THSD7A: variants seen among roughly 807,000 people sequenced by gnomAD.
THSD7A encodes the protein thrombospondin type 1 domain containing 7A.
A neutral mutation model predicts 231.3 loss-of-function variants in THSD7A; 96 were observed. That is an observed-to-expected ratio of 0.41 (90% CI 0.35 to 0.49). The LOEUF (loss-of-function observed/expected upper bound fraction) is 0.49, where lower values mean the gene tolerates loss of function less well. Among genes scored for constraint, THSD7A ranks in the 20% least tolerant of loss-of-function variants. The probability of loss-of-function intolerance (pLI) is 0.05; values close to 1 mark genes in which losing one functional copy is unlikely to be tolerated. For synonymous variants in THSD7A, 940 were observed against 743.3 expected (o/e 1.26, Z -4.30); for missense variants, 2,290 against 2,070.2 (o/e 1.11, Z -2.06).
At chr7:11,450,347 C>T (rs1002442048) in intron 11 of THSD7A, among the ~76,000 whole-genome samples, 1 of 151,898 alleles carries the variant, frequency 6.6e-6, no homozygotes, top group Admixed American at 6.6e-5. Flanking sequence ...TGTAAAATTC[C>T]CATAGCTATT....
At chr7:11,593,854 T>G (rs1211921844) in intron 2 of THSD7A, among the ~76,000 whole-genome samples, 1 of 152,234 alleles carries the variant, frequency 6.6e-6, no homozygotes, top group African/African-American at 2.4e-5. Context: ...CATATGCTAA[T>G]TTCCATTCTG....
chr7:11,593,375 C>A lies in THSD7A; in HGVS notation c.1150G>T (p.Gly384Cys). The A allele has an allele frequency of 6.2e-7, 1 of 1,614,008 alleles. No homozygotes were observed. Among genetic ancestry groups the A allele is most frequent in the Non-Finnish European group, 8.5e-7 (1 of 1,179,892 alleles). Residue 384 changes from glycine (G) to cysteine (C), a missense_variant, in exon 3 of 28, where the codon GGC becomes TGC. Physicochemically the swap from Gly to Cys is radical, Grantham distance 159 (BLOSUM62 -3). Transcript: ENST00000423059. ...KTCHDMVSPA[G>C]TRVRTRTIRQ... ...ATGGTTCGTGTCCTTACACGAGTGC[C>A]TGCAGGGGACACCATGTCATGGCAT...
intron 4 of THSD7A, among the ~76,000 whole-genome samples, chr7:11,570,152 C>A (rs904916663): frequency 2.7e-5 from 4 of 150,802 alleles, no homozygotes; most frequent in Non-Finnish European, 4.4e-5. Flanking sequence ...GCCTAGGTGG[C>A]AGAGCAAGAT....
chr7:11,587,421 A>T (rs1368720032), intron 4 of THSD7A, among the ~76,000 whole-genome samples: 1 of 152,194 alleles, frequency 6.6e-6, no homozygotes, highest in African/African-American at 2.4e-5. Context: ...GTGGGGGAAT[A>T]GTTGTCAGGA....
intron 8 of THSD7A, among the ~76,000 whole-genome samples, chr7:11,470,821 AT>A (rs1785908842): frequency 6.6e-6 from 1 of 151,908 alleles, no homozygotes; most frequent in Admixed American, 6.6e-5. Flanking sequence ...GCAAAAATAT[AT>A]TATTTATTGG....
chr7:11,494,346 C>T (rs1332287380), intron 6 of THSD7A, among the ~76,000 whole-genome samples: 2 of 151,884 alleles, frequency 1.3e-5, no homozygotes, highest in East Asian at 3.9e-4. Context: ...TCTTAATTCC[C>T]ACTGTTTTTA....
At chr7:11,437,667 C>A (rs1158026728) in intron 13 of THSD7A, among the ~76,000 whole-genome samples, 1 of 152,000 alleles carries the variant, frequency 6.6e-6, no homozygotes, top group African/African-American at 2.4e-5. Context: ...AGCTTGTTTA[C>A]AAGACTCTAT....
At chr7:11,667,443 T>C (rs1416756813) in intron 1 of THSD7A, among the ~76,000 whole-genome samples, 1 of 152,198 alleles carries the variant, frequency 6.6e-6, no homozygotes, top group Non-Finnish European at 1.5e-5. Flanking sequence ...ACTCCCCATT[T>C]ATTTCATAGT....
intron 23 of THSD7A, 59 bp from the exon 24 acceptor site, chr7:11,382,675 G>T: frequency 8.1e-7 from 1 of 1,238,246 alleles, no homozygotes; most frequent in Non-Finnish European, 1.2e-6. Flanking sequence ...GACAATCATG[G>T]GGATAGAGTA....
Position 11,474,392 on chromosome 7 carries a change from T to G in THSD7A, c.2194A>C (p.Met732Leu). ...ACACAGATGACTTTTCTTGTCTGCA[T>G]GCCGACAGAGCAGGAGGCCTCCCCA... ...WNGEASCSVG[M>L]QTRKVICVRV... Residue 732 changes from methionine to leucine, a missense_variant, in exon 8 of 28, where the codon ATG (methionine) becomes CTG (leucine). Physicochemically the swap from Met to Leu is conservative, Grantham distance 15. Transcript: ENST00000423059. This position sits in a 1 kb window ranked among gnomAD's most constrained non-coding sequence, Gnocchi z 4.1. 6.2e-7 allele frequency: 1 copy of G among 1,613,580 alleles called. No individual in the cohort carries two copies. The highest frequency in any genetic ancestry group is 8.5e-7 in the Non-Finnish European group (1 of 1,179,580).
chr7:11,456,380 C>T (rs1785309702), intron 11 of THSD7A, among the ~76,000 whole-genome samples: 1 of 151,936 alleles, frequency 6.6e-6, no homozygotes, highest in African/African-American at 2.4e-5. Flanking sequence ...TAACCTCCCC[C>T]AAAAAGAATG....
chr7:11,778,180 A>G (rs1158708435), intron 1 of THSD7A, among the ~76,000 whole-genome samples: 1 of 145,684 alleles, frequency 6.9e-6, no homozygotes, highest in African/African-American at 2.6e-5. Flanking sequence ...AAAAAAAAAG[A>G]AAGCCCTTTC....
At chr7:11,477,676 T>C (rs1786249592) in intron 7 of THSD7A, among the ~76,000 whole-genome samples, 1 of 152,180 alleles carries the variant, frequency 6.6e-6, no homozygotes, top group Non-Finnish European at 1.5e-5. Context: ...TTGACAATTC[T>C]CTTTACTTTC....
chr7:11,610,345 G>C (rs1780880855), intron 2 of THSD7A, among the ~76,000 whole-genome samples: 1 of 151,982 alleles, frequency 6.6e-6, no homozygotes, highest in Admixed American at 6.6e-5. Context: ...TCAATACTGG[G>C]CAAGAAAGAT....
intron 2 of THSD7A, among the ~76,000 whole-genome samples, chr7:11,629,165 T>C (rs1014547282): frequency 1.3e-5 from 2 of 152,064 alleles, no homozygotes; most frequent in Non-Finnish European, 2.9e-5. Context: ...TAGAATCCAA[T>C]GAGAAAGAAG....
At chr7:11,717,375 T>C (rs753959223) in intron 1 of THSD7A, among the ~76,000 whole-genome samples, 2 of 151,630 alleles carry the variant, frequency 1.3e-5, no homozygotes, top group Admixed American at 1.3e-4. Context: ...ATTTTGTTTC[T>C]CTATCCTTCT....
At position 11,675,901 on chromosome 7, in the gene THSD7A, C is replaced by T. The variant is rs138245776; in HGVS notation, c.191-38940G>A. ...AGAGAAAATGGATCTCCCAGCACAG[C>T]GCTGGAGCTCTGCTAAGGGATAGAC... On this transcript the variant is annotated intron_variant, in intron 1 of 27. Coordinates refer to ENST00000423059, the MANE Select transcript of THSD7A (RefSeq NM_015204.3). 2.8e-3 allele frequency among the ~76,000 whole-genome samples: 423 copies of T among 152,304 alleles called. 2 individuals are homozygous for T. Among genetic ancestry groups the T allele is most frequent in the African/African-American group, 9.3e-3 (386 of 41,560 alleles).
intron 1 of THSD7A, chr7:11,820,393 T>G (rs1784837901): frequency 7.6e-7 from 1 of 1,308,416 alleles, no homozygotes; most frequent in East Asian, 2.6e-5. Flanking sequence ...AATCTCCCAT[T>G]CCTCCCCACT....
At chr7:11,520,076 A>T (rs1434110499) in intron 6 of THSD7A, 1 of 152,162 alleles carries the variant, frequency 6.6e-6, no homozygotes, top group Non-Finnish European at 1.5e-5. Flanking sequence ...TGAGAAACCG[A>T]ATTAATCTGC....
Sources: allele counts gnomAD v4.1 joint callset (sites outside exome capture counted in the v4.1 genomes callset), GRCh38; gene constraint gnomAD v4.1.1; non-coding constraint Gnocchi (gnomAD v3.1); transcripts MANE v1.5; gene names NCBI Gene and HGNC (gene_info 2026-07-23, HGNC 2026-07-21).